Variants in NALF1 observed in about 807,000 individuals in gnomAD.
The protein encoded by NALF1 is NALCN channel auxiliary factor 1.
NALF1 carries 3 observed loss-of-function variants against 48.4 expected under a neutral mutation model. The ratio of observed to expected loss-of-function variants is 0.06; its 90% CI spans 0.03 to 0.16. The LOEUF is 0.16. Ranked by LOEUF, NALF1 falls within the 10% of genes least tolerant of loss-of-function variation. NALF1 has a pLI of 1.00. For synonymous variants in NALF1, 262 were observed against 245.7 expected (o/e 1.07, Z -0.62); for missense variants, 526 against 571.5 (o/e 0.92, Z 0.81).
At chr13:107,619,783 G>A (rs943592859) in intron 1 of NALF1, among the ~76,000 whole-genome samples, 1 of 152,086 alleles carries the variant, frequency 6.6e-6, no homozygotes, top group South Asian at 2.1e-4. Flanking sequence ...CAAGAATGTA[G>A]GTCTCCTTAT....
rs1594191152 is a variant in NALF1, at chr13:107,661,728, T to C, written c.915+203954A>G. ...TCATCACTGGGAAAATCATGGGTTC[T>C]CCAGCCCAATTCACATTGAGGCAAT... On this transcript the variant is annotated intron_variant, in intron 1 of 2. Transcript: ENST00000375915. Among the ~76,000 whole-genome samples, 7 of 152,188 alleles carry C rather than the reference T, an allele frequency of 4.6e-5. No homozygotes were observed. In the South Asian group the frequency reaches 1.4e-3, roughly 32 times the overall value.
rs79167596 is a variant in NALF1 at position 107,601,487 on chromosome 13, G to A, written c.915+264195C>T. ...GAATGGATTCAGCTCACCTCTAGGCGCTCACTACAGACCAACCCAAATGCA... is the reference window on the plus strand; with the variant it reads ...GAATGGATTCAGCTCACCTCTAGGCACTCACTACAGACCAACCCAAATGCA... On this transcript the variant is annotated intron_variant, in intron 1 of 2. Coordinates refer to ENST00000375915, the MANE Select transcript of NALF1 (RefSeq NM_001080396.3). Among the ~76,000 whole-genome samples the A allele has an allele frequency of 4.1e-3, 620 of 152,168 alleles. 5 individuals are homozygous for A. Among genetic ancestry groups the A allele is most frequent in the African/African-American group, 0.013 (555 of 41,524 alleles).
chr13:107,577,440 G>A (rs1878186095), intron 1 of NALF1, among the ~76,000 whole-genome samples: 1 of 151,904 alleles, frequency 6.6e-6, no homozygotes, highest in Admixed American at 6.6e-5. Context: ...AGGAAGAAAG[G>A]AACATAGGTT....
At chr13:107,480,237 T>C (rs9559046) in intron 1 of NALF1, among the ~76,000 whole-genome samples, 85,054 of 151,922 alleles carry the variant, frequency 0.56, 26,425 homozygotes, top group Middle Eastern at 0.73. Flanking sequence ...CAAGAACACA[T>C]AGCTAATGAG....
chr13:107,825,744 T>C (rs1489714526), intron 1 of NALF1, among the ~76,000 whole-genome samples: 1 of 152,214 alleles, frequency 6.6e-6, no homozygotes, highest in Non-Finnish European at 1.5e-5. Context: ...AGGCCAATAA[T>C]GTATCCATAT....
chr13:107,348,744 G>C (rs183425063), intron 1 of NALF1, among the ~76,000 whole-genome samples: 3 of 152,254 alleles, frequency 2.0e-5, no homozygotes, highest in Admixed American at 1.3e-4. Flanking sequence ...ATTTTCAGAC[G>C]AAGCAGGCAT....
intron 1 of NALF1, among the ~76,000 whole-genome samples, chr13:107,837,835 C>CT (rs1346121419): frequency 1.3e-5 from 2 of 151,976 alleles, no homozygotes; most frequent in African/African-American, 4.8e-5. Context: ...CTGAAATACT[C>CT]TAAGATCATT....
rs140404192 is a variant in NALF1 at position 107,262,318 on chromosome 13, G to C, written c.916-51563C>G. Among the ~76,000 whole-genome samples the C allele has an allele frequency of 4.3e-3, 662 of 152,280 alleles. 8 individuals carry two copies. Among genetic ancestry groups the C allele is most frequent in the African/African-American group, 0.015 (632 of 41,560 alleles). On this transcript the variant is annotated intron_variant, in intron 1 of 2. Transcript: ENST00000375915. ...TTGTCCCAGCTACTCAGGAGGCTGA[G>C]ACAGGAGGATCACTTGAACCCAGGA... is the stretch of plus-strand genomic sequence containing the variant.
intron 1 of NALF1, among the ~76,000 whole-genome samples, chr13:107,229,646 T>C (rs1296617966): frequency 6.6e-6 from 1 of 152,100 alleles, no homozygotes; most frequent in Non-Finnish European, 1.5e-5. Flanking sequence ...CCCACACCCA[T>C]GAACATTTAT....
chr13:107,593,423 A>G (rs1375472471), intron 1 of NALF1, among the ~76,000 whole-genome samples: 1 of 151,962 alleles, frequency 6.6e-6, no homozygotes, highest in East Asian at 1.9e-4. Context: ...ACAAATGTTG[A>G]CTGAATTAAA....
intron 1 of NALF1, among the ~76,000 whole-genome samples, chr13:107,460,068 T>C (rs1016514007): frequency 1.3e-5 from 2 of 152,240 alleles, no homozygotes; most frequent in Non-Finnish European, 2.9e-5. Flanking sequence ...TGACATTCTT[T>C]CTGTGCATGT....
chr13:107,483,201 G>A (rs2476776), intron 1 of NALF1, among the ~76,000 whole-genome samples: 98,171 of 152,046 alleles, frequency 0.65, 33,367 homozygotes, highest in Middle Eastern at 0.81. Flanking sequence ...ATGAATTAAT[G>A]TTGTATGACC....
chr13:107,301,052 G>T (rs187562667), intron 1 of NALF1, among the ~76,000 whole-genome samples: 149 of 152,202 alleles, frequency 9.8e-4, no homozygotes, highest in Admixed American at 1.6e-3. Flanking sequence ...TGCAATATTT[G>T]CTTGTTTCTT....
chr13:107,441,544 A>G (rs1011337266), intron 1 of NALF1, among the ~76,000 whole-genome samples: 3 of 152,228 alleles, frequency 2.0e-5, no homozygotes, highest in African/African-American at 4.8e-5. Flanking sequence ...GTGTGGGTGA[A>G]TGGGAACATG....
chr13:107,762,311 T>G (rs1342060618), intron 1 of NALF1, among the ~76,000 whole-genome samples: 2 of 152,174 alleles, frequency 1.3e-5, no homozygotes, highest in African/African-American at 4.8e-5. Flanking sequence ...GAGCACATAT[T>G]GGGTGTAAAT....
At chr13:107,235,854 C>T (rs929930211) in intron 1 of NALF1, among the ~76,000 whole-genome samples, 34 of 152,142 alleles carry the variant, frequency 2.2e-4, no homozygotes, top group African/African-American at 7.7e-4. Context: ...TGATTCCAGT[C>T]ATTCCATTAG....
At chr13:107,349,941 T>C (rs1336912326) in intron 1 of NALF1, among the ~76,000 whole-genome samples, 2 of 152,104 alleles carry the variant, frequency 1.3e-5, no homozygotes, top group South Asian at 4.2e-4. Flanking sequence ...GAGAGGATGA[T>C]GGTTTTGGAA....
At chr13:107,631,713 T>C (rs1449707634) in intron 1 of NALF1, among the ~76,000 whole-genome samples, 1 of 152,026 alleles carries the variant, frequency 6.6e-6, no homozygotes, top group Non-Finnish European at 1.5e-5. Flanking sequence ...GCAAGACAAT[T>C]GGTTTTCTTT....
At chr13:107,572,326 G>T (rs1043053074) in intron 1 of NALF1, among the ~76,000 whole-genome samples, 20 of 152,040 alleles carry the variant, frequency 1.3e-4, no homozygotes, top group African/African-American at 4.8e-4. Context: ...TCTCCATGGA[G>T]CAAACAAAGG....
Sources: gnomAD v4.1 joint callset for allele counts (sites outside exome capture counted in the v4.1 genomes callset) on GRCh38, gnomAD v4.1.1 for gene constraint, MANE v1.5 for transcripts, NCBI Gene and HGNC (gene_info 2026-07-23, HGNC 2026-07-21) for gene names.